CYP2C18: variants seen among roughly 807,000 people sequenced by gnomAD.
CYP2C18 encodes cytochrome P450 family 2 subfamily C member 18.
In CYP2C18, 38 loss-of-function variants were observed where a neutral mutation model predicts 41.3. The ratio of observed to expected loss-of-function variants is 0.92; its 90% CI spans 0.71 to 1.21. The LOEUF (loss-of-function observed/expected upper bound fraction) is 1.21. CYP2C18 is among the 50% of genes most tolerant of loss of function. CYP2C18 has a pLI of 0.00. For synonymous variants in CYP2C18, 236 were observed against 210.0 expected (o/e 1.12, Z -1.07); for missense variants, 635 against 591.4 (o/e 1.07, Z -0.77).
rs772619007 is a variant in CYP2C18 at position 94,683,903 on chromosome 10, G to T, written c.84G>T (p.Arg28Ser). The change falls in exon 1 of 9, where the codon AGG becomes AGT. Residue 28 changes from arginine to serine, a missense_variant. Coordinates refer to ENST00000285979, the MANE Select transcript of CYP2C18 (RefSeq NM_000772.3). ...GGAGGCAGAGCTCTGGAAGAGGGAG[G>T]CTCCCGTCTGGCCCCACTCCTCTCC... ...SLWRQSSGRG[R>S]LPSGPTPLPI... 5.0e-6 allele frequency: 8 copies of T among 1,611,214 alleles called. No homozygotes were observed. The highest frequency in any genetic ancestry group is 6.8e-6 in the Non-Finnish European group (8 of 1,178,612).
At chr10:94,732,929 AAAC>A (rs1398422835) in intron 7 of CYP2C18, among the ~76,000 whole-genome samples, 3 of 152,120 alleles carry the variant, frequency 2.0e-5, no homozygotes, top group Admixed American at 6.6e-5. Flanking sequence ...ACAGTCCTGC[AAAC>A]AACAACAAAA....
intron 5 of CYP2C18, among the ~76,000 whole-genome samples, chr10:94,711,758 T>C (rs1847439355): frequency 6.6e-6 from 1 of 152,100 alleles, no homozygotes; most frequent in African/African-American, 2.4e-5. Flanking sequence ...TGTAAGTGGT[T>C]GTTATACTGT....
intron 5 of CYP2C18, among the ~76,000 whole-genome samples, chr10:94,717,921 C>A (rs1281300507): frequency 1.3e-5 from 2 of 151,840 alleles, no homozygotes; most frequent in Non-Finnish European, 2.9e-5. Flanking sequence ...CTAATTATTG[C>A]CTTGGCTATT....
rs1847873120 is a variant in CYP2C18 at position 94,733,717 on chromosome 10, G to A, written c.1291+279G>A. 1.3e-5 allele frequency: 6 copies of A among 454,704 alleles called. No homozygotes were observed. The Admixed American group carries it at 3.2e-4, about 24-fold the overall frequency. 28.2% of individuals were successfully genotyped at this position (454,704 alleles called of 1,614,324 possible). A position where few individuals can be genotyped will look rare whatever the true frequency, so the allele number is the denominator to read the frequency against. On this transcript the variant is annotated intron_variant, in intron 8 of 8. Coordinates refer to ENST00000285979, the MANE Select transcript of CYP2C18 (RefSeq NM_000772.3). The stretch of plus-strand genomic sequence containing the variant: ...AGATACATCACTGAGCTACCCAAGA[G>A]CTCTTCTTAATGGGTGAAACTTATT...
intron 3 of CYP2C18, 99 bp downstream of exon 3, chr10:94,688,373 T>A: frequency 1.5e-6 from 2 of 1,340,410 alleles, no homozygotes. Flanking sequence ...ATGGGGTACA[T>A]GTAATATTTT....
chr10:94,731,026 T>G (rs1344780256), intron 7 of CYP2C18, among the ~76,000 whole-genome samples: 1 of 152,084 alleles, frequency 6.6e-6, no homozygotes, highest in Admixed American at 6.6e-5. Context: ...AAATCATAGA[T>G]GACAAAAACA....
chr10:94,691,560 G>C (rs1190551194), intron 3 of CYP2C18, among the ~76,000 whole-genome samples: 1 of 152,118 alleles, frequency 6.6e-6, no homozygotes. Context: ...CATGCTCATG[G>C]GTAGGAAGAA....
rs35672164 is a variant in CYP2C18 at position 94,712,008 on chromosome 10, A to ATTTTTTTTTTTTTTTTTT, written c.819+5051_819+5068dup. On this transcript the variant is annotated intron_variant, in intron 5 of 8. Transcript: ENST00000285979. The stretch of plus-strand genomic sequence containing the variant: ...AGGTGCATGCCACCATGCCCAACTA[A>ATTTTTTTTTTTTTTTTTT]TTTTTTTTTTTTTTTTTTTTGTAGA... Among the ~76,000 whole-genome samples the ATTTTTTTTTTTTTTTTTT allele has an allele frequency of 1.8e-3, 177 of 97,854 alleles. 9 individuals carry two copies. Among genetic ancestry groups the ATTTTTTTTTTTTTTTTTT allele is most frequent in the African/African-American group, 4.5e-3 (106 of 23,348 alleles). 64.2% of individuals were successfully genotyped at this position (97,854 alleles called of 152,430 possible).
At chr10:94,710,557 A>G (rs1342430758) in intron 5 of CYP2C18, among the ~76,000 whole-genome samples, 1 of 152,160 alleles carries the variant, frequency 6.6e-6, no homozygotes, top group African/African-American at 2.4e-5. Context: ...ATTTCTTTCA[A>G]CAATGTTTTG....
At chr10:94,687,666 T>G in intron 1 of CYP2C18, 104 bp from the exon 2 acceptor site, 1 of 1,042,164 alleles carries the variant, frequency 9.6e-7, no homozygotes, top group Non-Finnish European at 1.4e-6. Flanking sequence ...TTTGACAGAA[T>G]AATCATAACA....
At chr10:94,724,301 G>A in intron 6 of CYP2C18, 45 bp from the exon 7 acceptor site, 2 of 1,591,056 alleles carry the variant, frequency 1.3e-6, no homozygotes, top group Non-Finnish European at 1.7e-6. Context: ...CAACAAATGT[G>A]CCATTTTCCT....
At chr10:94,718,493 T>A in intron 5 of CYP2C18, among the ~76,000 whole-genome samples, 1 of 152,160 alleles carries the variant, frequency 6.6e-6, no homozygotes, top group Middle Eastern at 3.2e-3. Flanking sequence ...ATTGAAGTAC[T>A]GAGAGTGGGC....
intron 3 of CYP2C18, among the ~76,000 whole-genome samples, chr10:94,689,062 T>A (rs1589791293): frequency 6.6e-6 from 1 of 152,294 alleles, no homozygotes; most frequent in East Asian, 1.9e-4. Flanking sequence ...GCATCTTTAG[T>A]GTAGCTTTTA....
At chr10:94,715,297 T>C (rs893100044) in intron 5 of CYP2C18, among the ~76,000 whole-genome samples, 14 of 152,350 alleles carry the variant, frequency 9.2e-5, no homozygotes, top group African/African-American at 3.4e-4. Context: ...GCCCATTCAG[T>C]ATGATATTGG....
chr10:94,717,448 T>C (rs1847571824), intron 5 of CYP2C18, among the ~76,000 whole-genome samples: 1 of 152,194 alleles, frequency 6.6e-6, no homozygotes, highest in Non-Finnish European at 1.5e-5. Flanking sequence ...TGAAGTTTAG[T>C]TTGGCTGGAT....
Position 94,683,957 on chromosome 10 carries a change from T to C in CYP2C18, c.138T>C (p.Asp46=). Residue 46 remains aspartate, a synonymous_variant, in exon 1 of 9, where the codon GAT becomes GAC. Coordinates refer to ENST00000285979, the MANE Select transcript of CYP2C18 (RefSeq NM_000772.3). Reference sequence around the variant, plus strand: ...TTATTGGAAATATCCTGCAGTTAGATGTTAAGGACATGAGCAAATCCTTAA... The same window carrying C: ...TTATTGGAAATATCCTGCAGTTAGACGTTAAGGACATGAGCAAATCCTTAA... ...LPIIGNILQL[D]VKDMSKSLTN... is the part of the protein sequence containing the mutation. The C allele has an allele frequency of 1.2e-6, 2 of 1,609,686 alleles. No homozygotes were observed. Among genetic ancestry groups the C allele is most frequent in the Non-Finnish European group, 1.7e-6 (2 of 1,178,006 alleles).
intron 4 of CYP2C18, among the ~76,000 whole-genome samples, chr10:94,701,867 G>A (rs565654265): frequency 6.6e-6 from 1 of 152,158 alleles, no homozygotes; most frequent in African/African-American, 2.4e-5. Flanking sequence ...GAAGCCTATA[G>A]CTTAGAGAGT....
At chr10:94,713,786 A>AAGTC (rs779317801) in intron 5 of CYP2C18, among the ~76,000 whole-genome samples, 47 of 152,274 alleles carry the variant, frequency 3.1e-4, no homozygotes, top group Middle Eastern at 6.8e-3. Flanking sequence ...AACTAGTTTA[A>AAGTC]AGTCCCACCA....
intron 3 of CYP2C18, 92 bp downstream of exon 3, chr10:94,688,366 G>T: frequency 1.4e-6 from 2 of 1,427,186 alleles, no homozygotes; most frequent in Middle Eastern, 2.5e-4. Context: ...CATATTTATG[G>T]GGTACATGTA....
Sources: gnomAD v4.1 joint callset for allele counts (sites outside exome capture counted in the v4.1 genomes callset) on GRCh38, gnomAD v4.1.1 for gene constraint, MANE v1.5 for transcripts, NCBI Gene and HGNC (gene_info 2026-07-23, HGNC 2026-07-21) for gene names.